Variants in TBC1D8B observed in about 807,000 individuals in gnomAD.
TBC1D8B encodes the protein TBC1 domain family member 8B, also known as RP11-321G1.1.
A neutral mutation model predicts 82.9 loss-of-function variants in TBC1D8B; 75 were observed. That is an observed-to-expected ratio of 0.90 (90% confidence interval 0.75 to 1.10). The LOEUF (loss-of-function observed/expected upper bound fraction) is 1.10. TBC1D8B is among the 50% of genes least tolerant of loss of function. The pLI is 0.00. For missense variants in TBC1D8B, 794 were observed against 796.9 expected, an observed-to-expected ratio of 1.00 and a Z score of 0.04; for synonymous variants, 276 against 276.8, an observed-to-expected ratio of 1.00 and a Z score of 0.03.
chrX:106,860,342 TG>T (rs1229976260), intron 14 of TBC1D8B, among the ~76,000 whole-genome samples: 1 of 22,277 alleles, frequency 4.5e-5, no homozygotes, highest in Non-Finnish European at 8.6e-5. Flanking sequence ...TTATGATTGG[TG>T]TGTGTGTGTG....
intron 1 of TBC1D8B, 148 bp from the exon 2 acceptor site, chrX:106,818,515 T>A: frequency 2.8e-6 from 1 of 354,538 alleles, no homozygotes; most frequent in African/African-American, 2.6e-5. Flanking sequence ...TTATCCCAAA[T>A]GTATTTTTTC....
rs562930924 is a variant in TBC1D8B, at chrX:106,873,964, A to C, written c.3362A>C (p.Ter1121SerextTer8). The change falls in exon 21 of 21, where the codon TAA becomes TCA. Residue 1121 changes from the stop codon to serine, a stop_lost. Transcript: ENST00000357242. ...CAGTTAAGGTCTAGAACCAAGATGT[A>C]AATCCCTAGGAATTGCCTATCATAG... ...ISQLRSRTKM* is the reference protein window; with the variant it reads ...ISQLRSRTKMS 1.3e-4 allele frequency: 147 copies of C among 1,173,871 alleles called. 1 individual carries two copies. The South Asian group carries it at 2.8e-3, about 22-fold the overall frequency.
At chrX:106,851,258 T>G (rs1248761378) in intron 12 of TBC1D8B, among the ~76,000 whole-genome samples, 1 of 111,599 alleles carries the variant, frequency 9.0e-6, no homozygotes, top group Non-Finnish European at 1.9e-5. Flanking sequence ...GGCGTGGTGG[T>G]GAACACCTGT....
intron 12 of TBC1D8B, among the ~76,000 whole-genome samples, chrX:106,851,325 G>A (rs1466125535): frequency 8.9e-6 from 1 of 112,221 alleles, no homozygotes; most frequent in Non-Finnish European, 1.9e-5. Context: ...AGGAGGCGGA[G>A]GTTGTAGTGA....
At chrX:106,810,160 T>C (rs1277389395) in intron 1 of TBC1D8B, among the ~76,000 whole-genome samples, 1 of 111,882 alleles carries the variant, frequency 8.9e-6, no homozygotes, top group Admixed American at 9.5e-5. Context: ...TAATAGGTGG[T>C]GTACTGGTGG....
chrX:106,802,823 G>A lies in TBC1D8B; in HGVS notation c.-31G>A. The A allele has an allele frequency of 8.3e-7, 1 of 1,209,483 alleles. No individual in the cohort carries two copies. The highest frequency in any genetic ancestry group is 1.1e-6 in the Non-Finnish European group (1 of 894,205). On this transcript the variant is annotated 5_prime_UTR_variant, in exon 1 of 21. Coordinates refer to ENST00000357242, the MANE Select transcript of TBC1D8B (RefSeq NM_017752.3). The stretch of plus-strand genomic sequence containing the variant: ...AGAGTGAGGTGAGGAGGGCATCTAG[G>A]TCACTGCTCCCGGGGGGCACAAAGT...
intron 7 of TBC1D8B, among the ~76,000 whole-genome samples, chrX:106,833,622 A>G (rs751798480): frequency 1.7e-4 from 19 of 111,668 alleles, no homozygotes; most frequent in African/African-American, 5.5e-4. Flanking sequence ...TTTTCTAACC[A>G]CCTACTGCCT....
At chrX:106,858,810 T>C (rs1168925229) in intron 14 of TBC1D8B, among the ~76,000 whole-genome samples, 1 of 112,227 alleles carries the variant, frequency 8.9e-6, no homozygotes, top group Non-Finnish European at 1.9e-5. Context: ...TGGTACTCCC[T>C]AGGTTTTCTT....
chrX:106,802,780 A>G lies in TBC1D8B; in HGVS notation c.-74A>G. The G allele has an allele frequency of 8.5e-7, 1 of 1,179,295 alleles. No individual in the cohort carries two copies. Among genetic ancestry groups the G allele is most frequent in the South Asian group, 1.9e-5 (1 of 53,371 alleles). On this transcript the variant is annotated 5_prime_UTR_variant, in exon 1 of 21. Transcript: ENST00000357242. Reference sequence around the variant, plus strand: ...GAAGATTTGGTGGGAGGAGAAGCAGAGGGGAAGAGACGGGTTGAGAGTGAG... The same window carrying G: ...GAAGATTTGGTGGGAGGAGAAGCAGGGGGGAAGAGACGGGTTGAGAGTGAG...
intron 1 of TBC1D8B, among the ~76,000 whole-genome samples, chrX:106,805,951 A>G (rs1931174080): frequency 8.9e-6 from 1 of 112,741 alleles, no homozygotes; most frequent in Non-Finnish European, 1.9e-5. Flanking sequence ...TGTTTAATGA[A>G]GAAATGATAA....
intron 1 of TBC1D8B, among the ~76,000 whole-genome samples, chrX:106,817,499 CA>C (rs1380704697): frequency 9.0e-6 from 1 of 111,345 alleles, no homozygotes; most frequent in Non-Finnish European, 1.9e-5. Context: ...AAAACTCATG[CA>C]TAAAATTATT....
Position 106,865,639 on chromosome X carries a change from C to G in TBC1D8B, c.2421+12C>G. ...ATGTCATCTTTAAGGTACTGTTGTT[C>G]TTCTTTAAATGAAAAATAATGCTTT... On this transcript the variant is annotated intron_variant, in intron 15 of 20. Coordinates refer to ENST00000357242, the MANE Select transcript of TBC1D8B (RefSeq NM_017752.3). 1 of 1,166,091 alleles carries G rather than the reference C, an allele frequency of 8.6e-7. No homozygotes were observed. The highest frequency in any genetic ancestry group is 1.2e-6 in the Non-Finnish European group (1 of 867,620).
rs1021657180 is a variant in TBC1D8B at position 106,823,597 on chromosome X, T to G, written c.827+131T>G. On this transcript the variant is annotated intron_variant, in intron 5 of 20. Transcript: ENST00000357242. ...TTTTTTTTGGAGTTGATTGTGGGTG[T>G]GTGTGTGTTTTGTGAGTTTATTCAT... The G allele has an allele frequency of 1.1e-4, 74 of 688,977 alleles. 1 individual carries two copies. The highest frequency in any genetic ancestry group is 1.4e-4 in the Non-Finnish European group (67 of 486,248). 56.8% of individuals were successfully genotyped at this position (688,977 alleles called of 1,213,427 possible). A position where few individuals can be genotyped will look rare whatever the true frequency, so the allele number is the denominator to read the frequency against.
At chrX:106,849,080 AT>A (rs2147760120) in intron 11 of TBC1D8B, among the ~76,000 whole-genome samples, 1 of 108,452 alleles carries the variant, frequency 9.2e-6, no homozygotes, top group South Asian at 4.0e-4. Flanking sequence ...CCTGGCCAAT[AT>A]TTTCTTTAAT....
chrX:106,855,559 T>A (rs1394131546), intron 14 of TBC1D8B, among the ~76,000 whole-genome samples: 1 of 112,139 alleles, frequency 8.9e-6, no homozygotes, highest in African/African-American at 3.2e-5. Context: ...TAAATATAGA[T>A]CTACCTCACT....
rs1420000276 is a variant in TBC1D8B, at chrX:106,848,172, T to C, written c.1720-14T>C. ...CAATATTTGCTTTTTAATACTGTTT[T>C]CTATGAATTTTAGGCAATGAATATT... On this transcript the variant is annotated splice_polypyrimidine_tract_variant and intron_variant, in intron 10 of 20. Coordinates refer to ENST00000357242, the MANE Select transcript of TBC1D8B (RefSeq NM_017752.3). 1 of 1,119,805 alleles carries C rather than the reference T, an allele frequency of 8.9e-7. No homozygotes were observed. Among genetic ancestry groups the C allele is most frequent in the Admixed American group, 2.4e-5 (1 of 41,404 alleles). The allele number at this position is 1,119,805 out of a possible 1,213,427, so 92.3% of individuals were successfully genotyped here.
intron 11 of TBC1D8B, among the ~76,000 whole-genome samples, chrX:106,848,802 G>A (rs1932517761): frequency 9.1e-6 from 1 of 110,210 alleles, no homozygotes; most frequent in Admixed American, 9.7e-5. Context: ...TATTGAGACG[G>A]AGTCTTGCTC....
chrX:106,825,917 T>G (rs1419900318), intron 5 of TBC1D8B, 113 bp from the exon 6 acceptor site: 4 of 507,335 alleles, frequency 7.9e-6, no homozygotes, highest in Non-Finnish European at 1.2e-5. Flanking sequence ...GCATTTTTAG[T>G]GTTTAATCTG....
At chrX:106,852,515 C>A (rs1360021528) in intron 12 of TBC1D8B, among the ~76,000 whole-genome samples, 2 of 111,560 alleles carry the variant, frequency 1.8e-5, no homozygotes, top group African/African-American at 6.5e-5. Context: ...AATGGTATTG[C>A]CTAGGTTTTC....
Sources: allele counts gnomAD v4.1 joint callset (sites outside exome capture counted in the v4.1 genomes callset), GRCh38; gene constraint gnomAD v4.1.1; transcripts MANE v1.5; gene names NCBI Gene and HGNC (gene_info 2026-07-23, HGNC 2026-07-21).